CACNB4: variants seen among roughly 807,000 people sequenced by gnomAD.
CACNB4 encodes calcium voltage-gated channel auxiliary subunit beta 4, also known as voltage-dependent L-type calcium channel subunit beta-4.
In CACNB4, 32 loss-of-function variants were observed where a neutral mutation model predicts 71.2. The observed-to-expected ratio is 0.45, with a 90% CI of 0.34 to 0.60. The LOEUF (loss-of-function observed/expected upper bound fraction) is 0.60, where lower values mean the gene tolerates loss of function less well. Among genes scored for constraint, CACNB4 ranks in the 20% least tolerant of loss-of-function variants. The pLI is 0.01. For synonymous variants in CACNB4, 231 were observed against 236.9 expected (o/e 0.97, Z 0.23); for missense variants, 464 against 647.9 (o/e 0.72, Z 3.08).
chr2:151,898,274 C>T (rs751499309), intron 2 of CACNB4, among the ~76,000 whole-genome samples: 3 of 152,226 alleles, frequency 2.0e-5, no homozygotes, highest in Non-Finnish European at 4.4e-5. Context: ...CTGCGTGGCT[C>T]TGAACTCGCA....
chr2:151,849,005 T>TA lies in CACNB4; in HGVS notation c.1116+4442dup, dbSNP rs201074839. Among the ~76,000 whole-genome samples, 28 of 149,766 alleles carry TA rather than the reference T, an allele frequency of 1.9e-4. 1 individual carries two copies. The highest frequency in any genetic ancestry group is 4.0e-4 in the Admixed American group (6 of 15,026). ...CAATACAAAATCAGGCTGGTCATAT[T>TA]AAAAAAAAAATGAGATGGGTTTGCA... On this transcript the variant is annotated intron_variant, in intron 12 of 13. Transcript: ENST00000539935.
intron 2 of CACNB4, among the ~76,000 whole-genome samples, chr2:151,936,897 T>C (rs1449272537): frequency 6.6e-6 from 1 of 152,244 alleles, no homozygotes; most frequent in Non-Finnish European, 1.5e-5. Flanking sequence ...TGTTTCAAGA[T>C]TATAAATGCT....
At chr2:152,062,124 A>C (rs1686053401) in intron 2 of CACNB4, among the ~76,000 whole-genome samples, 1 of 151,932 alleles carries the variant, frequency 6.6e-6, no homozygotes, top group South Asian at 2.1e-4. Flanking sequence ...TTACTAGATA[A>C]ATTCACTTTC....
At chr2:151,953,443 T>C (rs2099867436) in intron 2 of CACNB4, among the ~76,000 whole-genome samples, 2 of 152,224 alleles carry the variant, frequency 1.3e-5, no homozygotes, top group Non-Finnish European at 2.9e-5. Flanking sequence ...AGTAGGACAC[T>C]TGGGTTCAAA....
At chr2:152,066,626 T>C (rs12478918) in intron 2 of CACNB4, among the ~76,000 whole-genome samples, 8,260 of 143,700 alleles carry the variant, frequency 0.057, 344 homozygotes, top group Admixed American at 0.15. Context: ...CCATTTGACC[T>C]AGCCATCCCA....
chr2:151,980,220 A>G (rs1370908574), intron 2 of CACNB4, among the ~76,000 whole-genome samples: 1 of 152,174 alleles, frequency 6.6e-6, no homozygotes, highest in Non-Finnish European at 1.5e-5. Context: ...AAAATCAGTC[A>G]GCTCCATTTC....
At chr2:152,022,141 C>G (rs1422396279) in intron 2 of CACNB4, among the ~76,000 whole-genome samples, 3 of 152,202 alleles carry the variant, frequency 2.0e-5, no homozygotes, top group Non-Finnish European at 4.4e-5. Context: ...CGGCTTATTG[C>G]CTATTACTTG....
intron 2 of CACNB4, among the ~76,000 whole-genome samples, chr2:152,035,630 CCTCTCTCTCT>C (rs369495604): frequency 1.1e-5 from 1 of 93,290 alleles, no homozygotes; most frequent in Non-Finnish European, 2.0e-5. Flanking sequence ...CCTCCCTCTC[CCTCTCTCTCT>C]CTCTCTCTCT....
At chr2:151,859,909 T>C (rs1435437174) in intron 10 of CACNB4, 3 of 152,214 alleles carry the variant, frequency 2.0e-5, no homozygotes, top group Admixed American at 1.3e-4. Context: ...TTTTCTATTA[T>C]CTATAGAGCT....
chr2:151,956,824 C>G (rs542331555), intron 2 of CACNB4, among the ~76,000 whole-genome samples: 5 of 152,294 alleles, frequency 3.3e-5, no homozygotes, highest in Admixed American at 2.6e-4. Context: ...AGTGTCTCAT[C>G]ATATTCTGGC....
At chr2:151,901,563 G>GA (rs986687611) in intron 2 of CACNB4, among the ~76,000 whole-genome samples, 6 of 151,312 alleles carry the variant, frequency 4.0e-5, no homozygotes, top group Admixed American at 1.3e-4. Flanking sequence ...ATTACAATTA[G>GA]AAAAAAAACA....
At chr2:151,893,505 G>A (rs1434898112) in intron 2 of CACNB4, among the ~76,000 whole-genome samples, 1 of 152,064 alleles carries the variant, frequency 6.6e-6, no homozygotes, top group East Asian at 1.9e-4. Context: ...GCCTCCCAAA[G>A]TGCCGAGATT....
At chr2:152,002,492 A>G (rs968018669) in intron 2 of CACNB4, among the ~76,000 whole-genome samples, 4 of 152,244 alleles carry the variant, frequency 2.6e-5, no homozygotes, top group Admixed American at 6.5e-5. Flanking sequence ...GATTTTGCAG[A>G]TACTTCCCCA....
At chr2:152,080,068 TATGATAAGAAAC>T in intron 2 of CACNB4, among the ~76,000 whole-genome samples, 1 of 152,148 alleles carries the variant, frequency 6.6e-6, no homozygotes, top group African/African-American at 2.4e-5. Context: ...TATTGAAGTA[TATGATAAGAAAC>T]AACTCTAGAA....
At chr2:151,895,092 A>AGC (rs1323995344) in intron 2 of CACNB4, among the ~76,000 whole-genome samples, 1 of 95,038 alleles carries the variant, frequency 1.1e-5, no homozygotes, top group Non-Finnish European at 2.0e-5. Flanking sequence ...GAACTCAAAT[A>AGC]GCCCCACACA....
At position 151,839,034 on chromosome 2, in the gene CACNB4, A is replaced by G. The variant is rs2099835508; in HGVS notation, c.*85T>C. 2.4e-6 allele frequency: 3 copies of G among 1,258,600 alleles called. No homozygotes were observed. The highest frequency in any genetic ancestry group is 4.3e-5 in the Admixed American group (2 of 46,804). 78.0% of individuals were successfully genotyped at this position (1,258,600 alleles called of 1,614,324 possible). ...CCATTAGCACAGTAAATACTGTGCT[A>G]TGTTAGCCAAGTTAAGATGATTGGT... On this transcript the variant is annotated 3_prime_UTR_variant, in exon 14 of 14. Transcript: ENST00000539935.
At position 151,833,515 on chromosome 2, in the gene CACNB4, G is replaced by A. The variant is rs779848010; in HGVS notation, c.*5604C>T. 2 of 151,956 alleles carry A rather than the reference G, an allele frequency of 1.3e-5. No homozygotes were observed. Among genetic ancestry groups the A allele is most frequent in the African/African-American group, 4.8e-5 (2 of 41,396 alleles). 9.4% of individuals were successfully genotyped at this position (151,956 alleles called of 1,614,324 possible). A position where few individuals can be genotyped will look rare whatever the true frequency, so the allele number is the denominator to read the frequency against. ...TGTTATTGAAAGAGAAGAAATAAGA[G>A]GAGAAAATATGGTATGAGTGTTATC... On this transcript the variant is annotated 3_prime_UTR_variant, in exon 14 of 14. Coordinates refer to ENST00000539935, the MANE Select transcript of CACNB4 (RefSeq NM_000726.5).
chr2:152,041,440 G>A (rs1038659891), intron 2 of CACNB4, among the ~76,000 whole-genome samples: 2 of 152,198 alleles, frequency 1.3e-5, no homozygotes, highest in African/African-American at 4.8e-5. Flanking sequence ...AATTTGCCAC[G>A]AGTTATTAAA....
chr2:151,928,276 C>T (rs1310043464), intron 2 of CACNB4, among the ~76,000 whole-genome samples: 1 of 152,174 alleles, frequency 6.6e-6, no homozygotes, highest in African/African-American at 2.4e-5. Flanking sequence ...GAGCTTTTGA[C>T]CAGTTTGATG....
Sources: allele counts gnomAD v4.1 joint callset (sites outside exome capture counted in the v4.1 genomes callset), GRCh38; gene constraint gnomAD v4.1.1; transcripts MANE v1.5; gene names NCBI Gene and HGNC (gene_info 2026-07-23, HGNC 2026-07-21).